INTS9: variants seen among roughly 807,000 people sequenced by gnomAD.
INTS9 encodes the protein protein related to CPSF subunits of 74 kDa.
INTS9 carries 55 observed loss-of-function variants against 79.7 expected under a neutral mutation model. The ratio of observed to expected loss-of-function variants is 0.69; its 90% CI spans 0.56 to 0.86. The LOEUF (loss-of-function observed/expected upper bound fraction) is 0.86, where lower values mean the gene tolerates loss of function less well. Among genes scored for constraint, INTS9 ranks in the 40% least tolerant of loss-of-function variants. INTS9 has a pLI of 0.00. For synonymous variants in INTS9, 319 were observed against 325.2 expected (o/e 0.98, Z 0.20); for missense variants, 721 against 831.5 (o/e 0.87, Z 1.64).
At chr8:28,791,831 T>C (rs1044270561) in intron 10 of INTS9, among the ~76,000 whole-genome samples, 1 of 152,044 alleles carries the variant, frequency 6.6e-6, no homozygotes, top group East Asian at 1.9e-4. Context: ...AGTTTAAGAG[T>C]CTACGGGAGG....
At chr8:28,770,508 A>G (rs1379255827) in intron 15 of INTS9, among the ~76,000 whole-genome samples, 1 of 152,256 alleles carries the variant, frequency 6.6e-6, no homozygotes, top group Non-Finnish European at 1.5e-5. Flanking sequence ...TCAAGGACCC[A>G]GCACAGGGTC....
intron 8 of INTS9, among the ~76,000 whole-genome samples, chr8:28,808,452 A>G (rs1585388971): frequency 6.6e-6 from 1 of 152,092 alleles, no homozygotes; most frequent in Admixed American, 6.5e-5. Context: ...CCAAAGTGCT[A>G]GGATTACAGG....
At chr8:28,868,048 C>G (rs1808859374) in intron 1 of INTS9, among the ~76,000 whole-genome samples, 1 of 152,168 alleles carries the variant, frequency 6.6e-6, no homozygotes, top group Non-Finnish European at 1.5e-5. Flanking sequence ...ACACAGCATA[C>G]ACACCGTGTT....
At chr8:28,869,814 G>A (rs925661081) in intron 1 of INTS9, among the ~76,000 whole-genome samples, 11 of 152,108 alleles carry the variant, frequency 7.2e-5, no homozygotes, top group African/African-American at 2.7e-4. Flanking sequence ...CATGCATGGT[G>A]AACACAGAAA....
intron 4 of INTS9, among the ~76,000 whole-genome samples, chr8:28,841,151 T>C (rs1374903632): frequency 6.6e-6 from 1 of 152,208 alleles, no homozygotes; most frequent in Non-Finnish European, 1.5e-5. Flanking sequence ...GCCAGGGTAC[T>C]GCCATCTGTG....
chr8:28,863,212 T>A lies in INTS9; in HGVS notation c.10-3649A>T, dbSNP rs117167382. On this transcript the variant is annotated intron_variant, in intron 1 of 16. Coordinates refer to ENST00000521022, the MANE Select transcript of INTS9 (RefSeq NM_018250.4). ...ATTTTATAAATAGTTCCCATTTTGCTGGTCTGCTCTTCAGGAAGATAGATC... is the reference window on the plus strand; with the variant it reads ...ATTTTATAAATAGTTCCCATTTTGCAGGTCTGCTCTTCAGGAAGATAGATC... Among the ~76,000 whole-genome samples the A allele has an allele frequency of 3.2e-4, 49 of 152,354 alleles. No homozygotes were observed. In the East Asian group the frequency reaches 8.9e-3, roughly 28 times the overall value.
chr8:28,878,973 C>T (rs868112556), intron 1 of INTS9, among the ~76,000 whole-genome samples: 14 of 66,306 alleles, frequency 2.1e-4, no homozygotes, highest in East Asian at 5.8e-4. Flanking sequence ...AGTGAGACTT[C>T]GTCTCAAAAA....
intron 8 of INTS9, among the ~76,000 whole-genome samples, chr8:28,811,120 T>C (rs537198993): frequency 4.1e-5 from 6 of 146,244 alleles, no homozygotes; most frequent in Admixed American, 4.1e-4. Flanking sequence ...TCTTTTTTCT[T>C]TCTCTCTCTT....
In INTS9 at chr8:28,862,188, ATATCATC is replaced by A. The variant is rs577779182; in HGVS notation, c.10-2632_10-2626del. 37 of 985,424 alleles carry A rather than the reference ATATCATC, an allele frequency of 3.8e-5. No homozygotes were observed. The South Asian group carries it at 1.1e-3, about 29-fold the overall frequency. The allele number at this position is 985,424 out of a possible 1,614,324, so 61.0% of individuals were successfully genotyped here. On this transcript the variant is annotated intron_variant, in intron 1 of 16. Transcript: ENST00000521022. ...TTTTCTTCCTCTGTCACCAAGCAGC[ATATCATC>A]TACTGAGGGTTATGAGACTAAGGCA...
In INTS9 at chr8:28,813,559, C is replaced by T. The variant is rs148028193; in HGVS notation, c.542G>A (p.Cys181Tyr). ...AGAGTTCACCTCTTGCATTGTATAG[C>T]ATCTTCTCCAGGTTGAGACTTCCAC... ...DAVEVSTWRR[C>Y]YTMQEVNSAL... The change falls in exon 7 of 17, where the codon TGC becomes TAC. Residue 181 changes from cysteine to tyrosine, a missense_variant. Cys to Tyr is a radical substitution (Grantham distance 194). Coordinates refer to ENST00000521022, the MANE Select transcript of INTS9 (RefSeq NM_018250.4). 138 of 1,613,620 alleles carry T rather than the reference C, an allele frequency of 8.6e-5. No individual in the cohort carries two copies. Among genetic ancestry groups the T allele is most frequent in the Non-Finnish European group, 1.1e-4 (125 of 1,179,670 alleles).
chr8:28,820,532 G>T (rs1344536814), intron 6 of INTS9, among the ~76,000 whole-genome samples: 1 of 152,212 alleles, frequency 6.6e-6, no homozygotes, highest in East Asian at 1.9e-4. Context: ...TCCCTTTGTG[G>T]ATAACCCAAC....
intron 4 of INTS9, among the ~76,000 whole-genome samples, chr8:28,839,416 T>G (rs976498331): frequency 6.6e-6 from 1 of 151,898 alleles, no homozygotes. Context: ...CCAATGACTT[T>G]CTTCACAGAA....
At chr8:28,853,486 G>C (rs574482370) in intron 2 of INTS9, among the ~76,000 whole-genome samples, 2 of 151,446 alleles carry the variant, frequency 1.3e-5, no homozygotes, top group Non-Finnish European at 2.9e-5. Context: ...CCAAAAAAAT[G>C]ATTATAGAAG....
intron 6 of INTS9, among the ~76,000 whole-genome samples, chr8:28,823,325 T>TA (rs1362897219): frequency 2.6e-5 from 4 of 152,114 alleles, no homozygotes; most frequent in Non-Finnish European, 5.9e-5. Context: ...AGGAGGAAAG[T>TA]AACATTTTTA....
intron 6 of INTS9, chr8:28,813,843 C>G (rs1335405989): frequency 4.5e-5 from 17 of 380,308 alleles, no homozygotes. Context: ...TCACTGCAAC[C>G]TCCACCTCCC....
At chr8:28,793,535 G>C (rs889094309) in intron 10 of INTS9, among the ~76,000 whole-genome samples, 1 of 152,208 alleles carries the variant, frequency 6.6e-6, no homozygotes, top group Non-Finnish European at 1.5e-5. Flanking sequence ...GGTGACATGT[G>C]ATAAGTATAT....
rs767828218 is a variant in INTS9, at chr8:28,813,481, T to G, written c.609+11A>C. On this transcript the variant is annotated intron_variant, in intron 7 of 16. Transcript: ENST00000521022. Reference sequence around the variant, plus strand: ...ATTCATGAATAACTGAAATGTAATATGAATACTCACAATTTTCTGAGAATA... The same window carrying G: ...ATTCATGAATAACTGAAATGTAATAGGAATACTCACAATTTTCTGAGAATA... The G allele has an allele frequency of 6.2e-7, 1 of 1,611,838 alleles. No homozygotes were observed. The highest frequency in any genetic ancestry group is 1.1e-5 in the South Asian group (1 of 90,882).
intron 1 of INTS9, among the ~76,000 whole-genome samples, chr8:28,875,017 G>A (rs1280530947): frequency 6.6e-6 from 1 of 152,174 alleles, no homozygotes; most frequent in Non-Finnish European, 1.5e-5. Flanking sequence ...GAGAGCTTGT[G>A]CAGGGAGACT....
chr8:28,794,134 GAAC>G lies in INTS9; in HGVS notation c.857-150_857-148del, dbSNP rs1804066651. On this transcript the variant is annotated intron_variant, in intron 9 of 16. Transcript: ENST00000521022. ...TGTCTAATAAGCTGCTTCTTTTGAAGAACACATCAAAGCAGGGGATGCTATAGG... is the reference window on the plus strand; with the variant it reads ...TGTCTAATAAGCTGCTTCTTTTGAAGACATCAAAGCAGGGGATGCTATAGG... 1.2e-5 allele frequency: 7 copies of G among 603,494 alleles called. No individual in the cohort carries two copies. The South Asian group carries it at 2.4e-4, about 21-fold the overall frequency. The allele number at this position is 603,494 out of a possible 1,614,324, so 37.4% of individuals were successfully genotyped here. A position where few individuals can be genotyped will look rare whatever the true frequency, so the allele number is the denominator to read the frequency against.
Sources: allele counts gnomAD v4.1 joint callset (sites outside exome capture counted in the v4.1 genomes callset), GRCh38; gene constraint gnomAD v4.1.1; transcripts MANE v1.5; gene names NCBI Gene and HGNC (gene_info 2026-07-23, HGNC 2026-07-21).